Variants in MTR observed in about 807,000 individuals in gnomAD.
The protein encoded by MTR is methionine synthase.
Under a neutral mutation model 154.8 loss-of-function variants are expected in MTR, and 84 were observed. The ratio of observed to expected loss-of-function variants is 0.54; its 90% confidence interval spans 0.45 to 0.65. MTR has a LOEUF of 0.65. MTR is among the 30% of genes least tolerant of loss of function. MTR has a pLI of 0.00. For synonymous variants in MTR, 554 were observed against 553.9 expected (o/e 1.00, Z 0.00); for missense variants, 1,275 against 1,570.2 (o/e 0.81, Z 3.18).
rs1054346000 is a variant in MTR at position 236,848,080 on chromosome 1, A to G, written c.1516-2264A>G. Among the ~76,000 whole-genome samples, 4 of 152,220 alleles carry G rather than the reference A, an allele frequency of 2.6e-5. No homozygotes were observed. The East Asian group carries it at 7.7e-4, about 29-fold the overall frequency. On this transcript the variant is annotated intron_variant, in intron 15 of 32. Coordinates refer to ENST00000366577, the MANE Select transcript of MTR (RefSeq NM_000254.3). ...GGTTGAGTATCTGTTAATGTGGCAC[A>G]GATACTGTGCTAGACGCCATGAGAA...
At chr1:236,809,788 G>A (rs899603990) in intron 4 of MTR, among the ~76,000 whole-genome samples, 2 of 152,130 alleles carry the variant, frequency 1.3e-5, no homozygotes, top group Admixed American at 6.5e-5. Flanking sequence ...AGTCATCAAA[G>A]GTAATGAGCA....
chr1:236,897,019 A>G lies in MTR; in HGVS notation c.3612A>G (p.Thr1204=), dbSNP rs766023684. The G allele has an allele frequency of 1.2e-6, 2 of 1,613,784 alleles. No homozygotes were observed. Among genetic ancestry groups the G allele is most frequent in the Non-Finnish European group, 1.7e-6 (2 of 1,179,642 alleles). The stretch of plus-strand genomic sequence containing the variant: ...TGCTCCCTCTAGGCATTAGGTTAAC[A>G]GAATCATTAGCAATGGCACCTGCTT... The part of the protein sequence containing the change: ...DIEQSTGIRL[T]ESLAMAPASA... The change falls in exon 32 of 33, where the codon ACA becomes ACG. Residue 1204 remains threonine (T), a synonymous_variant. Transcript: ENST00000366577.
intron 25 of MTR, among the ~76,000 whole-genome samples, chr1:236,882,177 C>G (rs1241352276): frequency 6.6e-6 from 1 of 152,164 alleles, no homozygotes; most frequent in Non-Finnish European, 1.5e-5. Flanking sequence ...GGATTGTGCT[C>G]CATAGGAGCT....
rs1666772963 is a variant in MTR at position 236,898,339 on chromosome 1, A to G, written c.*695A>G. ...TTTCCGTACCCCTGAGGAAACAAAA[A>G]GGAAATGAGGAGAGAAAGTTACTGT... On this transcript the variant is annotated 3_prime_UTR_variant, in exon 33 of 33. Coordinates refer to ENST00000366577, the MANE Select transcript of MTR (RefSeq NM_000254.3). The G allele has an allele frequency of 6.6e-6, 1 of 152,242 alleles. No homozygotes were observed. The highest frequency in any genetic ancestry group is 1.9e-4 in the East Asian group (1 of 5,176). The allele number at this position is 152,242 out of a possible 1,614,324, so 9.4% of individuals were successfully genotyped here.
intron 12 of MTR, among the ~76,000 whole-genome samples, chr1:236,830,612 A>G (rs962542074): frequency 6.6e-6 from 1 of 152,240 alleles, no homozygotes; most frequent in African/African-American, 2.4e-5. Flanking sequence ...CTTCACATTC[A>G]TAATAGATCA....
chr1:236,873,743 A>AT, intron 22 of MTR, 30 bp from the exon 23 acceptor site: 1 of 1,595,208 alleles, frequency 6.3e-7, no homozygotes, highest in Non-Finnish European at 8.6e-7. Flanking sequence ...GCTTTCATTA[A>AT]TTTTCTCATG....
intron 25 of MTR, among the ~76,000 whole-genome samples, chr1:236,881,923 T>A (rs1446301953): frequency 3.3e-5 from 5 of 152,204 alleles, no homozygotes; most frequent in African/African-American, 7.2e-5. Flanking sequence ...TTAGGAACTC[T>A]GCTGAGACCA....
intron 1 of MTR, chr1:236,800,030 A>G: frequency 2.0e-6 from 2 of 984,142 alleles, no homozygotes; most frequent in South Asian, 4.7e-5. Flanking sequence ...GAACTGTCTT[A>G]AAGTCCAAAA....
intron 12 of MTR, among the ~76,000 whole-genome samples, 154 bp from the exon 13 acceptor site, chr1:236,831,812 C>T (rs113883186): frequency 1.3e-5 from 2 of 152,202 alleles, no homozygotes; most frequent in African/African-American, 2.4e-5. Flanking sequence ...TCCCTAGAGA[C>T]GACTATGGCC....
intron 1 of MTR, among the ~76,000 whole-genome samples, chr1:236,798,828 G>C (rs1660548003): frequency 6.6e-6 from 1 of 152,158 alleles, no homozygotes; most frequent in African/African-American, 2.4e-5. Flanking sequence ...GTTCTTCATG[G>C]AAGAGTGACA....
intron 13 of MTR, among the ~76,000 whole-genome samples, chr1:236,833,763 G>T (rs769197969): frequency 5.3e-5 from 8 of 152,178 alleles, no homozygotes; most frequent in Non-Finnish European, 1.0e-4. Flanking sequence ...TCATCTCTCT[G>T]AGCTTGTTTG....
chr1:236,808,808 G>T, intron 4 of MTR, 35 bp downstream of exon 4: 1 of 1,592,802 alleles, frequency 6.3e-7, no homozygotes, highest in Non-Finnish European at 8.6e-7. Context: ...TGCACACGTG[G>T]TTCCTTTGAT....
chr1:236,795,662 C>T lies in MTR; in HGVS notation c.-42C>T, dbSNP rs1660330312. 1 of 1,613,316 alleles carries T rather than the reference C, an allele frequency of 6.2e-7. No individual in the cohort carries two copies. Among genetic ancestry groups the T allele is most frequent in the African/African-American group, 1.3e-5 (1 of 75,078 alleles). ...CCGTCGTCACCTGTGGAGAGCACGT[C>T]TTCTCTGCCGCGCCCTCTGCGCAAG... is the stretch of plus-strand genomic sequence containing the variant. On this transcript the variant is annotated 5_prime_UTR_variant, in exon 1 of 33. Coordinates refer to ENST00000366577, the MANE Select transcript of MTR (RefSeq NM_000254.3).
chr1:236,825,669 C>T (rs1437669872), intron 10 of MTR, among the ~76,000 whole-genome samples: 1 of 152,180 alleles, frequency 6.6e-6, no homozygotes, highest in Non-Finnish European at 1.5e-5. Context: ...TGAGATGTTG[C>T]TTCCCCTGCA....
intron 10 of MTR, 35 bp from the exon 11 acceptor site, chr1:236,826,794 G>T: frequency 6.3e-7 from 1 of 1,585,736 alleles, no homozygotes; most frequent in South Asian, 1.1e-5. Flanking sequence ...GAATTCAAGT[G>T]AACTTGCTGA....
In MTR at chr1:236,901,274, C is replaced by G. The variant is rs1248314850; in HGVS notation, c.*3630C>G. The G allele has an allele frequency of 6.6e-6, 1 of 152,570 alleles. No homozygotes were observed. Among genetic ancestry groups the G allele is most frequent in the Non-Finnish European group, 1.5e-5 (1 of 68,122 alleles). The allele number at this position is 152,570 out of a possible 1,614,324, so 9.5% of individuals were successfully genotyped here. A position where few individuals can be genotyped will look rare whatever the true frequency, so the allele number is the denominator to read the frequency against. Reference sequence around the variant, plus strand: ...GGGGATTGTGGGGACTGTTGGCACACAGCTGGCTTTGCTAGGTTGAAGACA... The same window carrying G: ...GGGGATTGTGGGGACTGTTGGCACAGAGCTGGCTTTGCTAGGTTGAAGACA... On this transcript the variant is annotated 3_prime_UTR_variant, in exon 33 of 33. Transcript: ENST00000366577.
At chr1:236,887,858 G>A (rs1168480243) in intron 27 of MTR, among the ~76,000 whole-genome samples, 1 of 152,248 alleles carries the variant, frequency 6.6e-6, no homozygotes, top group Non-Finnish European at 1.5e-5. Context: ...AGACGAGAGA[G>A]TCCATCAGTG....
intron 11 of MTR, among the ~76,000 whole-genome samples, chr1:236,827,620 C>T (rs553097346): frequency 6.6e-6 from 1 of 152,066 alleles, no homozygotes; most frequent in African/African-American, 2.4e-5. Context: ...AGGGAAAAGA[C>T]GATAAGACAA....
At chr1:236,817,546 C>T (rs1661667968) in intron 8 of MTR, among the ~76,000 whole-genome samples, 1 of 152,198 alleles carries the variant, frequency 6.6e-6, no homozygotes, top group South Asian at 2.1e-4. Flanking sequence ...CTGGCAATAA[C>T]ACCTTGAGGG....
Sources: allele counts gnomAD v4.1 joint callset (sites outside exome capture counted in the v4.1 genomes callset), GRCh38; gene constraint gnomAD v4.1.1; transcripts MANE v1.5; gene names NCBI Gene and HGNC (gene_info 2026-07-23, HGNC 2026-07-21).